EPHA6: variants seen among roughly 807,000 people sequenced by gnomAD.
EPHA6 encodes the protein ephrin type-A receptor 6.
EPHA6 carries 50 observed loss-of-function variants against 112.0 expected under a neutral mutation model. The observed-to-expected ratio is 0.45, with a 90% CI of 0.36 to 0.56. The LOEUF (loss-of-function observed/expected upper bound fraction) is 0.56. EPHA6 is among the 20% of genes least tolerant of loss of function. The pLI, the probability that EPHA6 is intolerant of heterozygous loss-of-function variation, is 0.00. For missense variants in EPHA6, 1,280 were observed against 1,417.4 expected (o/e 0.90, Z 1.56); for synonymous variants, 529 against 490.7 (o/e 1.08, Z -1.03).
chr3:96,959,709 A>T (rs1002996956), intron 2 of EPHA6, among the ~76,000 whole-genome samples: 3 of 151,866 alleles, frequency 2.0e-5, no homozygotes, highest in African/African-American at 7.3e-5. Context: ...ATTTTTGTGC[A>T]TGTGGATATC....
rs189361893 is a variant in EPHA6, at chr3:97,269,675, A to G, written c.1606+25388A>G. ...AACACAACTGGAGTATGTCCTGAGC[A>G]TCAGAATTTTTTTGTTTCCCAGATG... On this transcript the variant is annotated intron_variant, in intron 5 of 17. Transcript: ENST00000389672. 2.4e-4 allele frequency among the ~76,000 whole-genome samples: 37 copies of G among 152,306 alleles called. No homozygotes were observed. The East Asian group carries it at 6.9e-3, about 29-fold the overall frequency.
chr3:97,249,895 A>C (rs548224908), intron 5 of EPHA6, among the ~76,000 whole-genome samples: 1 of 152,332 alleles, frequency 6.6e-6, no homozygotes, highest in African/African-American at 2.4e-5. Context: ...AGCAATAAAG[A>C]GAAAAACAAT....
At chr3:97,017,795 T>C (rs1223093998) in intron 3 of EPHA6, among the ~76,000 whole-genome samples, 1 of 152,194 alleles carries the variant, frequency 6.6e-6, no homozygotes, top group Admixed American at 6.5e-5. Context: ...CTTGGTGTTC[T>C]ATAACTTTAT....
intron 3 of EPHA6, among the ~76,000 whole-genome samples, chr3:97,133,289 G>A (rs1399510003): frequency 6.6e-6 from 1 of 152,012 alleles, no homozygotes; most frequent in Non-Finnish European, 1.5e-5. Context: ...GACAAAAATA[G>A]TTGCTCAAAG....
At chr3:97,340,427 CTAAT>C (rs200228314) in intron 5 of EPHA6, among the ~76,000 whole-genome samples, 2,741 of 152,232 alleles carry the variant, frequency 0.018, 66 homozygotes, top group African/African-American at 0.061. Context: ...TTCTTTTTCT[CTAAT>C]TAATATTCTC....
chr3:97,564,724 T>A (rs2093238164), intron 11 of EPHA6, among the ~76,000 whole-genome samples: 1 of 152,066 alleles, frequency 6.6e-6, no homozygotes, highest in Non-Finnish European at 1.5e-5. Flanking sequence ...CAACATTTTG[T>A]TGGGTTTGAT....
intron 5 of EPHA6, among the ~76,000 whole-genome samples, chr3:97,285,946 T>G (rs1343026079): frequency 1.3e-5 from 2 of 152,168 alleles, no homozygotes; most frequent in Non-Finnish European, 2.9e-5. Context: ...TAAGATGATA[T>G]CTCACTGTGG....
intron 6 of EPHA6, among the ~76,000 whole-genome samples, chr3:97,409,068 A>G (rs1359585775): frequency 6.6e-6 from 1 of 152,088 alleles, no homozygotes; most frequent in African/African-American, 2.4e-5. Flanking sequence ...CAGGAAATTA[A>G]GAAATGATGC....
intron 11 of EPHA6, among the ~76,000 whole-genome samples, chr3:97,586,195 C>T (rs2093485931): frequency 6.6e-6 from 1 of 152,204 alleles, no homozygotes; most frequent in Non-Finnish European, 1.5e-5. Context: ...TTAGAGGAGA[C>T]CACAGCGAAC....
Position 97,195,532 on chromosome 3 carries a change from G to T in EPHA6, c.1115-30732G>T, listed in dbSNP as rs1053951326. Reference sequence around the variant, plus strand: ...AGAGATGAGTAGTTTATACATCACAGTTACAGTGTTATAATATTCTGTGTT... The same window carrying T: ...AGAGATGAGTAGTTTATACATCACATTTACAGTGTTATAATATTCTGTGTT... On this transcript the variant is annotated intron_variant, in intron 3 of 17. Transcript: ENST00000389672. Among the ~76,000 whole-genome samples the T allele has an allele frequency of 1.6e-4, 25 of 152,050 alleles. No individual in the cohort carries two copies. The Middle Eastern group carries it at 0.017, about 103-fold the overall frequency.
At chr3:97,350,011 C>T (rs1459977295) in intron 5 of EPHA6, among the ~76,000 whole-genome samples, 1 of 151,538 alleles carries the variant, frequency 6.6e-6, no homozygotes, top group Non-Finnish European at 1.5e-5. Flanking sequence ...GTATGACCTA[C>T]TTCTCACGAA....
At chr3:97,574,613 G>C (rs2093365609) in intron 11 of EPHA6, among the ~76,000 whole-genome samples, 1 of 151,742 alleles carries the variant, frequency 6.6e-6, no homozygotes, top group Admixed American at 6.6e-5. Flanking sequence ...CAAAAGGTAG[G>C]GAAAAATACT....
intron 5 of EPHA6, among the ~76,000 whole-genome samples, chr3:97,388,152 A>T (rs905537523): frequency 6.6e-6 from 1 of 152,168 alleles, no homozygotes; most frequent in Admixed American, 6.6e-5. Flanking sequence ...AAACCATATC[A>T]CTAAGCTTTC....
intron 2 of EPHA6, among the ~76,000 whole-genome samples, chr3:96,986,987 C>G (rs1185201624): frequency 1.3e-5 from 2 of 152,166 alleles, no homozygotes; most frequent in Non-Finnish European, 2.9e-5. Context: ...ATGCCAGGAA[C>G]TATCTGAAGT....
intron 2 of EPHA6, among the ~76,000 whole-genome samples, chr3:96,917,535 C>T (rs1404698572): frequency 1.3e-5 from 2 of 151,724 alleles, no homozygotes; most frequent in African/African-American, 4.8e-5. Flanking sequence ...TCCTGAGTAC[C>T]TCCACTTTCC....
chr3:97,733,550 A>G (rs1223849006), intron 15 of EPHA6, among the ~76,000 whole-genome samples: 1 of 152,052 alleles, frequency 6.6e-6, no homozygotes, highest in Non-Finnish European at 1.5e-5. Flanking sequence ...TTAGGTCAAT[A>G]ATATTTATTA....
intron 3 of EPHA6, among the ~76,000 whole-genome samples, chr3:97,193,107 G>C (rs951543982): frequency 6.6e-6 from 1 of 152,054 alleles, no homozygotes; most frequent in Admixed American, 6.6e-5. Context: ...GCTCAGGATA[G>C]CTCTCGCTAT....
chr3:97,385,952 T>C (rs1236071270), intron 5 of EPHA6, among the ~76,000 whole-genome samples: 1 of 152,128 alleles, frequency 6.6e-6, no homozygotes, highest in Non-Finnish European at 1.5e-5. Flanking sequence ...TTCACCAACA[T>C]TTAAGATTAC....
At position 97,150,114 on chromosome 3, in the gene EPHA6, G is replaced by A. The variant is rs79877651; in HGVS notation, c.1115-76150G>A. On this transcript the variant is annotated intron_variant, in intron 3 of 17. Transcript: ENST00000389672. ...TAAAGTAATTATTCTTTCTGTTTGT[G>A]TTGAGAAGATGTAATATAACAAAAA... Among the ~76,000 whole-genome samples, 1,127 of 151,918 alleles carry A rather than the reference G, an allele frequency of 7.4e-3. 18 individuals are homozygous for A. The highest frequency in any genetic ancestry group is 0.01 in the Middle Eastern group (3 of 292).
Sources: allele counts gnomAD v4.1 joint callset (sites outside exome capture counted in the v4.1 genomes callset), GRCh38; gene constraint gnomAD v4.1.1; transcripts MANE v1.5; gene names NCBI Gene and HGNC (gene_info 2026-07-23, HGNC 2026-07-21).